Variants in GPM6A observed in about 807,000 individuals in gnomAD.
The protein encoded by GPM6A is neuronal membrane glycoprotein M6-a.
In GPM6A, 7 loss-of-function variants were observed where a neutral mutation model predicts 32.1. The observed-to-expected ratio is 0.22, with a 90% CI of 0.12 to 0.41. The LOEUF is 0.41. Among genes scored for constraint, GPM6A ranks in the 10% least tolerant of loss-of-function variants. GPM6A has a pLI of 1.00. For missense variants in GPM6A, 235 were observed against 347.2 expected (o/e 0.68, Z 2.57); for synonymous variants, 130 against 123.4 (o/e 1.05, Z -0.35).
chr4:175,824,988 A>G (rs1735388844), intron 1 of GPM6A, among the ~76,000 whole-genome samples: 1 of 152,238 alleles, frequency 6.6e-6, no homozygotes. Flanking sequence ...TGATGTAAAT[A>G]TATCTTCAAA....
At chr4:175,935,879 A>G (rs1739203399) in intron 1 of GPM6A, among the ~76,000 whole-genome samples, 1 of 152,100 alleles carries the variant, frequency 6.6e-6, no homozygotes, top group Non-Finnish European at 1.5e-5. Context: ...GGGGATATTG[A>G]TTTAATAAAA....
At chr4:175,645,641 A>G (rs1338597917) in intron 4 of GPM6A, among the ~76,000 whole-genome samples, 1 of 152,132 alleles carries the variant, frequency 6.6e-6, no homozygotes, top group African/African-American at 2.4e-5. Flanking sequence ...GAATTGCTTG[A>G]ACCTGGGAGG....
chr4:175,768,362 T>A (rs1733056209), intron 1 of GPM6A, among the ~76,000 whole-genome samples: 1 of 152,160 alleles, frequency 6.6e-6, no homozygotes. Flanking sequence ...GATTATGCCA[T>A]CTACATTTCT....
intron 1 of GPM6A, among the ~76,000 whole-genome samples, chr4:175,803,869 A>G (rs1439122877): frequency 6.6e-6 from 1 of 152,192 alleles, no homozygotes; most frequent in Non-Finnish European, 1.5e-5. Flanking sequence ...TTATGACTCA[A>G]TTACAACTTT....
chr4:175,980,472 G>A (rs1175850549), intron 1 of GPM6A, among the ~76,000 whole-genome samples: 1 of 152,182 alleles, frequency 6.6e-6, no homozygotes, highest in African/African-American at 2.4e-5. Flanking sequence ...TGACTATTTA[G>A]CTTGCTTTCT....
chr4:175,750,600 TCTGGCTCTGTCGCC>T (rs1732294747), intron 1 of GPM6A, among the ~76,000 whole-genome samples: 1 of 59,180 alleles, frequency 1.7e-5, no homozygotes, highest in Non-Finnish European at 5.0e-5. Flanking sequence ...TTGACAGGGG[TCTGGCTCTGTCGCC>T]AAGGCTAGAG....
chr4:175,656,049 G>C (rs1196793940), intron 3 of GPM6A, among the ~76,000 whole-genome samples: 1 of 151,998 alleles, frequency 6.6e-6, no homozygotes, highest in African/African-American at 2.4e-5. Context: ...GTAATTCTAG[G>C]AAGGGAAGAT....
chr4:175,674,907 T>TA (rs955260692), intron 2 of GPM6A, among the ~76,000 whole-genome samples: 35 of 151,470 alleles, frequency 2.3e-4, no homozygotes, highest in African/African-American at 4.8e-4. Context: ...TTTTTTTTTT[T>TA]AAAAGAAAAA....
chr4:175,672,220 G>A (rs1054540943), intron 3 of GPM6A, among the ~76,000 whole-genome samples: 1 of 152,142 alleles, frequency 6.6e-6, no homozygotes, highest in Non-Finnish European at 1.5e-5. Context: ...ATTACCTTAC[G>A]GTAAAGACGT....
intron 1 of GPM6A, among the ~76,000 whole-genome samples, chr4:175,724,600 C>A (rs992737882): frequency 6.6e-6 from 1 of 151,780 alleles, no homozygotes; most frequent in African/African-American, 2.4e-5. Flanking sequence ...CACTTACAGA[C>A]GCTGGGGGTG....
chr4:175,885,842 C>T (rs1043901623), intron 1 of GPM6A, among the ~76,000 whole-genome samples: 8 of 152,064 alleles, frequency 5.3e-5, no homozygotes, highest in African/African-American at 1.7e-4. Flanking sequence ...AGGATTTGCA[C>T]ATTTTAGATA....
chr4:175,725,958 G>A (rs1324094554), intron 1 of GPM6A, among the ~76,000 whole-genome samples: 1 of 146,772 alleles, frequency 6.8e-6, no homozygotes, highest in East Asian at 2.0e-4. Context: ...TTATTTTCAT[G>A]TATCATACAA....
At chr4:175,640,954 G>C in intron 4 of GPM6A, 125 bp from the exon 5 acceptor site, 3 of 638,036 alleles carry the variant, frequency 4.7e-6, no homozygotes, top group Non-Finnish European at 8.3e-6. Flanking sequence ...TGTTACAGTG[G>C]AAAAATAATC....
chr4:175,744,896 T>C (rs1431623567), intron 1 of GPM6A, among the ~76,000 whole-genome samples: 1 of 152,150 alleles, frequency 6.6e-6, no homozygotes, highest in Admixed American at 6.5e-5. Flanking sequence ...AAGGAATGGA[T>C]AGGAATTATG....
chr4:175,795,687 G>T (rs1335040589), intron 1 of GPM6A: 6 of 152,182 alleles, frequency 3.9e-5, no homozygotes, highest in Non-Finnish European at 7.3e-5. Context: ...GGAGTTTGAG[G>T]CTGCAGTGAG....
At chr4:175,873,555 A>T (rs1736982968) in intron 1 of GPM6A, among the ~76,000 whole-genome samples, 1 of 152,186 alleles carries the variant, frequency 6.6e-6, no homozygotes, top group South Asian at 2.1e-4. Context: ...TGATAAATCA[A>T]AGATTTAAAA....
At chr4:175,635,097 C>T (rs780619437) in intron 6 of GPM6A, 40 bp from the exon 7 acceptor site, 14 of 1,499,298 alleles carry the variant, frequency 9.3e-6, no homozygotes, top group Middle Eastern at 1.7e-4. Flanking sequence ...GAAGTTTGTT[C>T]AGTGTCTTCA....
chr4:175,909,044 G>GGGT (rs1554000478), intron 1 of GPM6A, among the ~76,000 whole-genome samples: 3 of 105,978 alleles, frequency 2.8e-5, no homozygotes, highest in Non-Finnish European at 3.6e-5. Context: ...AAAAAGGGCG[G>GGGT]GGGGGGGGCA....
intron 1 of GPM6A, among the ~76,000 whole-genome samples, chr4:175,752,617 A>T (rs1732380213): frequency 1.3e-5 from 2 of 152,178 alleles, no homozygotes; most frequent in Admixed American, 1.3e-4. Context: ...GTTGGTTTCA[A>T]GTCCTTGACT....
Sources: gnomAD v4.1 joint callset for allele counts (sites outside exome capture counted in the v4.1 genomes callset) on GRCh38, gnomAD v4.1.1 for gene constraint, MANE v1.5 for transcripts, NCBI Gene and HGNC (gene_info 2026-07-23, HGNC 2026-07-21) for gene names.